Variants in PPEF2 observed in about 807,000 individuals in gnomAD.
PPEF2 encodes the protein protein phosphatase with EF-hand domain 2, also known as serine/threonine-protein phosphatase with EF-hands 2.
In PPEF2, 84 loss-of-function variants were observed where a neutral mutation model predicts 84.7. The observed-to-expected ratio is 0.99, with a 90% CI of 0.83 to 1.19. The LOEUF (loss-of-function observed/expected upper bound fraction) is 1.19. PPEF2 is among the 50% of genes most tolerant of loss of function. The probability of loss-of-function intolerance (pLI) is 0.00; values close to 1 mark genes in which losing one functional copy is unlikely to be tolerated. For synonymous variants in PPEF2, 346 were observed against 345.2 expected (o/e 1.00, Z -0.03); for missense variants, 924 against 937.5 (o/e 0.99, Z 0.19).
At position 75,867,543 on chromosome 4, in the gene PPEF2, G is replaced by T; in HGVS notation, c.1650-124C>A. On this transcript the variant is annotated intron_variant, in intron 13 of 16. Transcript: ENST00000286719. ...GTCTCCCAAGAGCTCAGTTTTCGAGGGAGAGCGCCTTTACTCTTCCCTGTT... is the reference window on the plus strand; with the variant it reads ...GTCTCCCAAGAGCTCAGTTTTCGAGTGAGAGCGCCTTTACTCTTCCCTGTT... 4.6e-6 allele frequency: 3 copies of T among 647,496 alleles called. No individual in the cohort carries two copies. In the South Asian group the frequency reaches 6.0e-5, roughly 13 times the overall value. 40.1% of individuals were successfully genotyped at this position (647,496 alleles called of 1,614,324 possible).
At chr4:75,888,472 ATTCT>A (rs928553230) in intron 5 of PPEF2, 144 bp from the exon 6 acceptor site, 16 of 587,256 alleles carry the variant, frequency 2.7e-5, no homozygotes, top group South Asian at 1.5e-4. Flanking sequence ...CTATGCACGG[ATTCT>A]TTCTTTATCA....
chr4:75,891,330 GCGTTTTGCACTGTTT>G (rs1724876683), intron 4 of PPEF2, among the ~76,000 whole-genome samples: 1 of 152,132 alleles, frequency 6.6e-6, no homozygotes, highest in Non-Finnish European at 1.5e-5. Context: ...TCTGAGGCTT[GCGTTTTGCACTGTTT>G]CCTAGGCACA....
chr4:75,867,692 G>A (rs1724164980), intron 13 of PPEF2, among the ~76,000 whole-genome samples: 1 of 152,106 alleles, frequency 6.6e-6, no homozygotes, highest in African/African-American at 2.4e-5. Flanking sequence ...CTTTGCTTCA[G>A]TTTTCCCACC....
chr4:75,873,805 T>C (rs1329477500), intron 11 of PPEF2, among the ~76,000 whole-genome samples: 1 of 152,086 alleles, frequency 6.6e-6, no homozygotes, highest in Non-Finnish European at 1.5e-5. Flanking sequence ...TTTTTTTTTT[T>C]TTTTACAAAT....
chr4:75,888,285 T>C lies in PPEF2; in HGVS notation c.461A>G (p.Lys154Arg), dbSNP rs1352362224. ...GTTTGGCAGCTGTACCAGATGTTTCTTGGTTTCATACAAAAGGTTCAAGAC... is the reference window on the plus strand; with the variant it reads ...GTTTGGCAGCTGTACCAGATGTTTCCTGGTTTCATACAAAAGGTTCAAGAC... ...RYVLNLLYETKKHLVQLPNIN... is the reference protein window; with the variant it reads ...RYVLNLLYETRKHLVQLPNIN... Residue 154 changes from lysine (K) to arginine (R), a missense_variant, in exon 6 of 17, where the codon AAG becomes AGG. Physicochemically the swap from Lys to Arg is conservative, Grantham distance 26. Transcript: ENST00000286719. The C allele has an allele frequency of 6.2e-7, 1 of 1,613,972 alleles. No individual in the cohort carries two copies. Among genetic ancestry groups the C allele is most frequent in the African/African-American group, 1.3e-5 (1 of 74,906 alleles).
chr4:75,902,381 T>C lies in PPEF2; in HGVS notation c.-210A>G, dbSNP rs544504182. 1 of 152,354 alleles carries C rather than the reference T, an allele frequency of 6.6e-6. No homozygotes were observed. Among genetic ancestry groups the C allele is most frequent in the East Asian group, 1.9e-4 (1 of 5,186 alleles). The allele number at this position is 152,354 out of a possible 1,614,324, so 9.4% of individuals were successfully genotyped here. ...AGACCTACAGAGCCCATAAAGAAGG[T>C]GCAGCCCTAGTCTGCCATGTCTTCT... is the stretch of plus-strand genomic sequence containing the variant. On this transcript the variant is annotated 5_prime_UTR_variant, in exon 1 of 17. Transcript: ENST00000286719.
intron 4 of PPEF2, 57 bp from the exon 5 acceptor site, chr4:75,890,189 G>T: frequency 6.3e-7 from 1 of 1,591,722 alleles, no homozygotes; most frequent in Non-Finnish European, 8.6e-7. Flanking sequence ...GCAGTCTGTG[G>T]GCACTATAGA....
At chr4:75,868,101 G>T (rs1232374993) in intron 13 of PPEF2, among the ~76,000 whole-genome samples, 2 of 151,454 alleles carry the variant, frequency 1.3e-5, no homozygotes, top group Non-Finnish European at 2.9e-5. Context: ...CTTGAGCCCA[G>T]GAGTTCGAGA....
chr4:75,884,460 C>A, intron 8 of PPEF2, 134 bp downstream of exon 8: 3 of 1,009,686 alleles, frequency 3.0e-6, no homozygotes, highest in Non-Finnish European at 4.3e-6. Flanking sequence ...ATGTTATATA[C>A]TGTGTATTCT....
rs1414723673 is a variant in PPEF2, at chr4:75,866,045, C to T, written c.1920+144G>A. 5 of 958,734 alleles carry T rather than the reference C, an allele frequency of 5.2e-6. No homozygotes were observed. The African/African-American group carries it at 8.2e-5, about 16-fold the overall frequency. The allele number at this position is 958,734 out of a possible 1,614,324, so 59.4% of individuals were successfully genotyped here. ...AACCACTTAACACAAAAGCCTGACA[C>T]ATAGAAACTCAAGAAATAGTTATTC... On this transcript the variant is annotated intron_variant, in intron 15 of 16. Transcript: ENST00000286719.
In PPEF2 at chr4:75,860,804, C is replaced by A; in HGVS notation, c.2125G>T (p.Asp709Tyr). ...DLARSIDFNK[D>Y]GHIDINEFLE... ...AACTCATTGATATCAATGTGGCCAT[C>A]TTTGTTGAAATCAATGCTCCGAGCA... The change falls in exon 17 of 17, where the codon GAT becomes TAT. Residue 709 changes from aspartate (D) to tyrosine (Y), a missense_variant. Transcript: ENST00000286719. The A allele has an allele frequency of 6.2e-7, 1 of 1,614,264 alleles. No homozygotes were observed.
intron 7 of PPEF2, among the ~76,000 whole-genome samples, chr4:75,885,889 G>A (rs1186539100): frequency 2.0e-5 from 3 of 151,964 alleles, no homozygotes; most frequent in African/African-American, 7.3e-5. Flanking sequence ...CACGCCTGTA[G>A]TCCCAGCTAC....
chr4:75,891,910 G>A lies in PPEF2; in HGVS notation c.124C>T (p.Arg42Cys), dbSNP rs372450044. The A allele has an allele frequency of 4.2e-5, 67 of 1,613,944 alleles. No individual in the cohort carries two copies. The highest frequency in any genetic ancestry group is 3.3e-4 in the Admixed American group (20 of 59,990). ...RYVARLEMRR[R>C]CTWSIFQSIE... ...GACTGGAAGATGCTCCAGGTGCAAC[G>A]CCGCCTCATCTCCAGGCGGGCCACG... The change falls in exon 3 of 17, where the codon CGT becomes TGT. Residue 42 changes from arginine (R) to cysteine (C), a missense_variant. Transcript: ENST00000286719.
intron 5 of PPEF2, 36 bp downstream of exon 5, chr4:75,889,921 A>G: frequency 1.9e-6 from 3 of 1,607,162 alleles, no homozygotes; most frequent in Non-Finnish European, 2.6e-6. Context: ...CATTTCATGG[A>G]GTTGGTAGTG....
At chr4:75,898,052 T>G (rs1725046967) in intron 1 of PPEF2, among the ~76,000 whole-genome samples, 1 of 152,234 alleles carries the variant, frequency 6.6e-6, no homozygotes, top group Non-Finnish European at 1.5e-5. Context: ...AACGAAGGGA[T>G]GGGCCGAATT....
intron 8 of PPEF2, 128 bp downstream of exon 8, chr4:75,884,466 A>T: frequency 2.7e-6 from 3 of 1,118,106 alleles, no homozygotes; most frequent in South Asian, 1.6e-5. Context: ...TATACTGTGT[A>T]TTCTGCTTTT....
At chr4:75,870,524 C>G (rs974229877) in intron 13 of PPEF2, among the ~76,000 whole-genome samples, 1 of 152,208 alleles carries the variant, frequency 6.6e-6, no homozygotes, top group Admixed American at 6.5e-5. Context: ...ATTTCTAACT[C>G]TGTTAGGCTG....
At chr4:75,899,174 C>G (rs1725068910) in intron 1 of PPEF2, among the ~76,000 whole-genome samples, 1 of 152,158 alleles carries the variant, frequency 6.6e-6, no homozygotes, top group Non-Finnish European at 1.5e-5. Context: ...CCCATATTGT[C>G]ACACAGAACA....
rs751590044 is a variant in PPEF2, at chr4:75,873,218, G to C, written c.1415C>G (p.Thr472Arg). 9.3e-6 allele frequency: 15 copies of C among 1,614,010 alleles called. No homozygotes were observed. Among genetic ancestry groups the C allele is most frequent in the Non-Finnish European group, 1.3e-5 (15 of 1,179,896 alleles). Residue 472 changes from threonine (T) to arginine (R), a missense_variant, in exon 12 of 17, where the codon ACA (threonine) becomes AGA (arginine). Coordinates refer to ENST00000286719, the MANE Select transcript of PPEF2 (RefSeq NM_006239.3). ...GGGCYFGPDVTQQLLQKYNMQ... is the reference protein window; with the variant it reads ...GGGCYFGPDVRQQLLQKYNMQ... ...GTTGTATTTTTGTAGCAACTGTTGT[G>C]TCACATCAGGCCCAAAATAACAGCC...
Sources: allele counts gnomAD v4.1 joint callset (sites outside exome capture counted in the v4.1 genomes callset), GRCh38; gene constraint gnomAD v4.1.1; transcripts MANE v1.5; gene names NCBI Gene and HGNC (gene_info 2026-07-23, HGNC 2026-07-21).